TRPM6: variants seen among roughly 807,000 people sequenced by gnomAD.
TRPM6 encodes the protein transient receptor potential cation channel subfamily M member 6, also known as channel kinase 2.
In TRPM6, 111 loss-of-function variants were observed where a neutral mutation model predicts 247.6. The observed-to-expected ratio is 0.45, with a 90% CI of 0.38 to 0.52. The LOEUF (loss-of-function observed/expected upper bound fraction) is 0.52. TRPM6 is among the 20% of genes least tolerant of loss of function. The pLI is 0.00. For synonymous variants in TRPM6, 892 were observed against 853.8 expected, an observed-to-expected ratio of 1.04 and a Z score of -0.78; for missense variants, 2,126 against 2,421.5, an observed-to-expected ratio of 0.88 and a Z score of 2.56.
intron 30 of TRPM6, among the ~76,000 whole-genome samples, chr9:74,750,069 A>G (rs1370700164): frequency 6.6e-6 from 1 of 152,194 alleles, no homozygotes; most frequent in Non-Finnish European, 1.5e-5. Flanking sequence ...TTCTCTAGAT[A>G]TATACTAATA....
At chr9:74,771,908 G>C (rs767797753) in intron 24 of TRPM6, 73 bp from the exon 25 acceptor site, 400 of 1,409,620 alleles carry the variant, frequency 2.8e-4, no homozygotes, top group Non-Finnish European at 3.8e-4. Flanking sequence ...TCTTCCACTT[G>C]TATTGAAAAT....
At chr9:74,765,036 C>T (rs1048063770) in intron 25 of TRPM6, among the ~76,000 whole-genome samples, 5 of 151,852 alleles carry the variant, frequency 3.3e-5, no homozygotes, top group African/African-American at 1.2e-4. Flanking sequence ...AAAAGTGAAA[C>T]AACTCAGTGG....
chr9:74,744,815 G>A (rs1326396765), intron 31 of TRPM6, among the ~76,000 whole-genome samples: 4 of 152,174 alleles, frequency 2.6e-5, no homozygotes, highest in Non-Finnish European at 5.9e-5. Context: ...TTGGTCTCAT[G>A]ATGGCAACTG....
At chr9:74,804,749 A>G (rs1828474126) in intron 14 of TRPM6, 4 of 791,874 alleles carry the variant, frequency 5.1e-6, no homozygotes, top group Non-Finnish European at 4.4e-6. Flanking sequence ...CTGAATGGGT[A>G]GAAGCAACCA....
chr9:74,731,278 T>A (rs1056501427), intron 37 of TRPM6, among the ~76,000 whole-genome samples: 1 of 152,096 alleles, frequency 6.6e-6, no homozygotes, highest in Non-Finnish European at 1.5e-5. Flanking sequence ...ATGCAAAAAA[T>A]TTCCACTGCA....
At chr9:74,887,282 G>A (rs1394860862) in intron 1 of TRPM6, 8 of 1,350,646 alleles carry the variant, frequency 5.9e-6, no homozygotes, top group Non-Finnish European at 7.6e-6. Context: ...AACACTGGGC[G>A]CACGGGGACG....
In TRPM6 at chr9:74,775,998, G is replaced by A. The variant is rs138479474; in HGVS notation, c.3288C>T (p.His1096=). Residue 1096 remains histidine, a synonymous_variant, in exon 24 of 39, where the codon CAC becomes CAT. Transcript: ENST00000360774. ...GAGGTGGGGGCAGCCAGGGCTTCTC[G>A]TGGTAGGTCATGATGTAGCGATAGC... ...YNRYRYIMTY[H]EKPWLPPPLI... The A allele has an allele frequency of 4.0e-5, 64 of 1,614,014 alleles. No individual in the cohort carries two copies. In the African/African-American group the frequency reaches 5.5e-4, roughly 14 times the overall value.
chr9:74,840,383 A>C, intron 4 of TRPM6, 146 bp from the exon 5 acceptor site: 2 of 661,038 alleles, frequency 3.0e-6, no homozygotes, highest in Non-Finnish European at 5.4e-6. Context: ...TCTTCATGTA[A>C]TGGAAATATT....
chr9:74,863,134 C>T (rs922598690), intron 1 of TRPM6, among the ~76,000 whole-genome samples: 9 of 151,752 alleles, frequency 5.9e-5, no homozygotes, highest in African/African-American at 2.2e-4. Context: ...GCAACCTCTG[C>T]CTCCCAGGTT....
At chr9:74,832,615 G>C (rs964558037) in intron 6 of TRPM6, among the ~76,000 whole-genome samples, 1 of 152,178 alleles carries the variant, frequency 6.6e-6, no homozygotes, top group African/African-American at 2.4e-5. Context: ...ATAACGGAGG[G>C]TGTCGGCTGA....
Position 74,752,258 on chromosome 9 carries a change from A to G in TRPM6, c.4998+19T>C, listed in dbSNP as rs774794018. 3.5e-6 allele frequency: 5 copies of G among 1,444,908 alleles called. No homozygotes were observed. The highest frequency in any genetic ancestry group is 4.8e-6 in the Non-Finnish European group (5 of 1,034,582). The allele number at this position is 1,444,908 out of a possible 1,614,324, so 89.5% of individuals were successfully genotyped here. A position where few individuals can be genotyped will look rare whatever the true frequency, so the allele number is the denominator to read the frequency against. On this transcript the variant is annotated intron_variant, in intron 29 of 38. Coordinates refer to ENST00000360774, the MANE Select transcript of TRPM6 (RefSeq NM_017662.5). ...GCATGCTCGAATGCTTTTTTTTTTA[A>G]CTCCTAAAATATTTTTACCTCTTGA...
Position 74,739,906 on chromosome 9 carries a change from C to T in TRPM6, c.5304G>A (p.Gln1768=), listed in dbSNP as rs144713167. Residue 1768 remains glutamine (Q), a synonymous_variant, in exon 34 of 39, where the codon CAG becomes CAA. Coordinates refer to ENST00000360774, the MANE Select transcript of TRPM6 (RefSeq NM_017662.5). ...CATCCATCTCCTCTCGGGACAATAC[C>T]TGGATCATTGCCGCTCTCCCACGCT... is the stretch of plus-strand genomic sequence containing the variant. The part of the protein sequence containing the change: ...WSQRGRAAMI[Q]VLSREEMDGG... 51 of 1,614,100 alleles carry T rather than the reference C, an allele frequency of 3.2e-5. No homozygotes were observed. In the African/African-American group the frequency reaches 4.8e-4, roughly 15 times the overall value.
At chr9:74,886,178 C>G (rs1219209210) in intron 1 of TRPM6, among the ~76,000 whole-genome samples, 1 of 152,122 alleles carries the variant, frequency 6.6e-6, no homozygotes, top group Non-Finnish European at 1.5e-5. Context: ...TTAACACTAC[C>G]AAAGGGTACT....
chr9:74,819,292 G>C (rs993624450), intron 9 of TRPM6, among the ~76,000 whole-genome samples: 3 of 150,972 alleles, frequency 2.0e-5, no homozygotes, highest in African/African-American at 7.4e-5. Context: ...CTAGGTGACA[G>C]AGTGAGGCCC....
intron 37 of TRPM6, among the ~76,000 whole-genome samples, chr9:74,730,625 T>A (rs1825488381): frequency 1.3e-5 from 2 of 152,224 alleles, no homozygotes; most frequent in African/African-American, 4.8e-5. Flanking sequence ...GAAATTCAGA[T>A]TTTGGTTCAG....
intron 1 of TRPM6, among the ~76,000 whole-genome samples, chr9:74,862,392 T>C (rs1830714704): frequency 6.6e-6 from 1 of 152,190 alleles, no homozygotes. Flanking sequence ...GCAGTCTTCA[T>C]CGACTGGATG....
At chr9:74,798,113 T>C (rs1828164019) in intron 17 of TRPM6, among the ~76,000 whole-genome samples, 1 of 152,192 alleles carries the variant, frequency 6.6e-6, no homozygotes. Context: ...ATTTACTAAA[T>C]GCTCTGATAT....
intron 28 of TRPM6, 124 bp from the exon 29 acceptor site, chr9:74,752,492 C>T (rs550698415): frequency 3.1e-6 from 2 of 635,182 alleles, no homozygotes; most frequent in East Asian, 5.6e-5. Flanking sequence ...TTTTCCCTTT[C>T]TGTTTTTAGC....
At chr9:74,805,835 A>T (rs1386892561) in intron 14 of TRPM6, among the ~76,000 whole-genome samples, 1 of 152,206 alleles carries the variant, frequency 6.6e-6, no homozygotes, top group African/African-American at 2.4e-5. Flanking sequence ...GGAAGTCTTA[A>T]TACAGAAAAC....
Sources: gnomAD v4.1 joint callset for allele counts (sites outside exome capture counted in the v4.1 genomes callset) on GRCh38, gnomAD v4.1.1 for gene constraint, MANE v1.5 for transcripts, NCBI Gene and HGNC (gene_info 2026-07-23, HGNC 2026-07-21) for gene names.